The following NALCN variants were observed in gnomAD, a reference collection of about 807,000 sequenced individuals.
NALCN encodes the protein sodium leak channel, non-selective.
In NALCN, 111 loss-of-function variants were observed where a neutral mutation model predicts 225.3. That is an observed-to-expected ratio of 0.49 (90% confidence interval 0.42 to 0.58). NALCN has a LOEUF of 0.58. Among genes scored for constraint, NALCN ranks in the 20% least tolerant of loss-of-function variants. The pLI is 0.00. For missense variants in NALCN, 1,378 were observed against 2,202.4 expected, an observed-to-expected ratio of 0.63 and a Z score of 7.49; for synonymous variants, 764 against 769.0, an observed-to-expected ratio of 0.99 and a Z score of 0.11.
At chr13:101,075,535 C>T (rs2033198241) in intron 35 of NALCN, among the ~76,000 whole-genome samples, 1 of 149,896 alleles carries the variant, frequency 6.7e-6, no homozygotes, top group African/African-American at 2.4e-5. Context: ...AGTTACTTAA[C>T]TTTATTGAAA....
At chr13:101,227,550 G>T (rs930570520) in intron 13 of NALCN, among the ~76,000 whole-genome samples, 6 of 152,136 alleles carry the variant, frequency 3.9e-5, no homozygotes, top group Admixed American at 2.6e-4. Flanking sequence ...CCATGTGGAG[G>T]TTGCTGGGGG....
At chr13:101,131,342 T>C (rs779745890) in intron 17 of NALCN, among the ~76,000 whole-genome samples, 1 of 152,196 alleles carries the variant, frequency 6.6e-6, no homozygotes, top group Non-Finnish European at 1.5e-5. Context: ...TATAATAACG[T>C]TTGCAGGGAA....
intron 6 of NALCN, among the ~76,000 whole-genome samples, chr13:101,351,430 G>A (rs934500192): frequency 1.3e-5 from 2 of 152,094 alleles, no homozygotes; most frequent in Non-Finnish European, 2.9e-5. Flanking sequence ...ATAACATTTT[G>A]TAGGAGTTTG....
chr13:101,284,130 G>T, intron 9 of NALCN, 111 bp from the exon 10 acceptor site: 1 of 832,118 alleles, frequency 1.2e-6, no homozygotes, highest in Non-Finnish European at 1.8e-6. Flanking sequence ...TCTTCTTATG[G>T]ATTTATATTT....
intron 6 of NALCN, among the ~76,000 whole-genome samples, chr13:101,374,874 A>G (rs1192425913): frequency 6.6e-6 from 1 of 152,214 alleles, no homozygotes; most frequent in Non-Finnish European, 1.5e-5. Flanking sequence ...AGAACATTAT[A>G]TAATTATTAG....
chr13:101,298,327 A>ATTTTT (rs67572044), intron 7 of NALCN, among the ~76,000 whole-genome samples: 7 of 148,126 alleles, frequency 4.7e-5, no homozygotes, highest in African/African-American at 1.5e-4. Context: ...ATCTCCAGCT[A>ATTTTT]TTTTTTTTTT....
rs2043583188 is a variant in NALCN, at chr13:101,292,269, G to A, written c.897C>T (p.Tyr299=). ...AGAAAATGAGAGTGATGAAATAGAAGTAGGAACGCCAACGGGGAAAGCTGT... is the reference window on the plus strand; with the variant it reads ...AGAAAATGAGAGTGATGAAATAGAAATAGGAACGCCAACGGGGAAAGCTGT... ...AIDSFPRWRS[Y]FYFITLIFFL... is the part of the protein sequence containing the mutation. Residue 299 remains tyrosine, a synonymous_variant, in exon 8 of 44, where the codon TAC becomes TAT. Coordinates refer to ENST00000251127, the MANE Select transcript of NALCN (RefSeq NM_052867.4). The surrounding 1 kb of genome is among the most constrained non-coding windows in gnomAD (Gnocchi z 4.3). 3.7e-6 allele frequency: 6 copies of A among 1,613,992 alleles called. No homozygotes were observed. Among genetic ancestry groups the A allele is most frequent in the Middle Eastern group, 1.6e-4 (1 of 6,084 alleles).
chr13:101,346,416 C>T (rs1317138417), intron 6 of NALCN, among the ~76,000 whole-genome samples: 3 of 152,050 alleles, frequency 2.0e-5, no homozygotes, highest in Non-Finnish European at 4.4e-5. Flanking sequence ...TTCCCCACTT[C>T]TAAGCAATGT....
chr13:101,229,293 TA>T, intron 13 of NALCN, 99 bp downstream of exon 13: 2 of 1,120,212 alleles, frequency 1.8e-6, no homozygotes, highest in Non-Finnish European at 2.5e-6. Flanking sequence ...AAAAATAGGA[TA>T]ATACTTCTGA....
At chr13:101,256,173 G>T (rs1044539740) in intron 11 of NALCN, among the ~76,000 whole-genome samples, 1 of 151,984 alleles carries the variant, frequency 6.6e-6, no homozygotes, top group Non-Finnish European at 1.5e-5. Context: ...TCATTACTTA[G>T]AATTACCCTG....
At position 101,099,433 on chromosome 13, in the gene NALCN, G is replaced by A. The variant is rs73556613; in HGVS notation, c.3162+1351C>T. Among the ~76,000 whole-genome samples, 1,379 of 151,988 alleles carry A rather than the reference G, an allele frequency of 9.1e-3. 26 individuals are homozygous for A. The highest frequency in any genetic ancestry group is 0.031 in the African/African-American group (1,281 of 41,444). The stretch of plus-strand genomic sequence containing the variant: ...TTTGTATCATTTAAAATCTATACTA[G>A]ATAGCCATATTTGCTAGAAATAAAT... On this transcript the variant is annotated intron_variant, in intron 27 of 43. Transcript: ENST00000251127.
chr13:101,089,606 C>A lies in NALCN; in HGVS notation c.3489+57G>T. On this transcript the variant is annotated intron_variant, in intron 30 of 43. Coordinates refer to ENST00000251127, the MANE Select transcript of NALCN (RefSeq NM_052867.4). This position sits in a 1 kb window ranked among gnomAD's most constrained non-coding sequence, Gnocchi z 4.7. ...CGCGTGTGAAAAGAAACAAATAGCTCAAAGTGAGTGGCTAGAAAAGGCTAA... is the reference window on the plus strand; with the variant it reads ...CGCGTGTGAAAAGAAACAAATAGCTAAAAGTGAGTGGCTAGAAAAGGCTAA... 6.7e-7 allele frequency: 1 copy of A among 1,501,892 alleles called. No individual in the cohort carries two copies. Among genetic ancestry groups the A allele is most frequent in the South Asian group, 1.1e-5 (1 of 86,984 alleles). 93.0% of individuals were successfully genotyped at this position (1,501,892 alleles called of 1,614,324 possible). A position where few individuals can be genotyped will look rare whatever the true frequency, so the allele number is the denominator to read the frequency against.
At chr13:101,380,857 A>AACACACAC (rs58640505) in intron 3 of NALCN, among the ~76,000 whole-genome samples, 6,486 of 145,618 alleles carry the variant, frequency 0.045, 449 homozygotes, top group African/African-American at 0.15. Flanking sequence ...ATGCCTAGCT[A>AACACACAC]ACACACACAC....
Position 101,316,128 on chromosome 13 carries a change from A to G in NALCN, c.800-23762T>C, listed in dbSNP as rs1404345533. On this transcript the variant is annotated intron_variant, in intron 7 of 43. Coordinates refer to ENST00000251127, the MANE Select transcript of NALCN (RefSeq NM_052867.4). ...CTATAGACTAAGATACTTAGATCAT[A>G]TATGAGAATCCACTCTTAAAGTGTA... 2.0e-5 allele frequency among the ~76,000 whole-genome samples: 3 copies of G among 152,232 alleles called. No individual in the cohort carries two copies. In the East Asian group the frequency reaches 5.8e-4, roughly 29 times the overall value.
chr13:101,135,891 T>C (rs1198933236), intron 17 of NALCN, among the ~76,000 whole-genome samples: 1 of 152,238 alleles, frequency 6.6e-6, no homozygotes, highest in East Asian at 1.9e-4. Context: ...AACTCCTTGA[T>C]ACCTCTTTTG....
intron 37 of NALCN, among the ~76,000 whole-genome samples, chr13:101,070,063 GTTTTT>G (rs71121162): frequency 1.0e-5 from 1 of 98,314 alleles, no homozygotes; most frequent in Non-Finnish European, 1.8e-5. Flanking sequence ...AATCATGAAT[GTTTTT>G]TTTTTTTTTT....
At chr13:101,167,857 A>AAC (rs2038526904) in intron 15 of NALCN, among the ~76,000 whole-genome samples, 1 of 148,440 alleles carries the variant, frequency 6.7e-6, no homozygotes, top group African/African-American at 2.4e-5. Flanking sequence ...AAAAACAAAA[A>AAC]CTGTTAAGTC....
chr13:101,339,780 C>T (rs938878360), intron 7 of NALCN, among the ~76,000 whole-genome samples: 9 of 152,058 alleles, frequency 5.9e-5, no homozygotes, highest in Admixed American at 6.6e-5. Flanking sequence ...TTCAATGACA[C>T]GGGCTAAATG....
rs1020272669 is a variant in NALCN, at chr13:101,412,489, C to T, written c.-40+3824G>A. Among the ~76,000 whole-genome samples the T allele has an allele frequency of 2.6e-5, 4 of 152,282 alleles. No homozygotes were observed. In the South Asian group the frequency reaches 6.2e-4, roughly 24 times the overall value. On this transcript the variant is annotated intron_variant, in intron 1 of 43. Coordinates refer to ENST00000251127, the MANE Select transcript of NALCN (RefSeq NM_052867.4). ...CCCACCCTGGACCTGTGGGGTCAGT[C>T]CCTGTCTTCAGAACATATTCCGGTA...
Sources: allele counts gnomAD v4.1 joint callset (sites outside exome capture counted in the v4.1 genomes callset), GRCh38; gene constraint gnomAD v4.1.1; non-coding constraint Gnocchi (gnomAD v3.1); transcripts MANE v1.5; gene names NCBI Gene and HGNC (gene_info 2026-07-23, HGNC 2026-07-21).